PRAMEF20: variants seen among roughly 807,000 people sequenced by gnomAD.
The protein encoded by PRAMEF20 is PRAME family member 20.
A neutral mutation model predicts 32.4 loss-of-function variants in PRAMEF20; 27 were observed. The observed-to-expected ratio is 0.83, with a 90% confidence interval of 0.61 to 1.15. PRAMEF20 has a LOEUF of 1.15. Among genes scored for constraint, PRAMEF20 ranks in the 50% most tolerant of loss-of-function variants. The pLI is 0.00. For missense variants in PRAMEF20, 604 were observed against 584.5 expected, an observed-to-expected ratio of 1.03 and a Z score of -0.34; for synonymous variants, 256 against 235.4, an observed-to-expected ratio of 1.09 and a Z score of -0.80.
At chr1:13,417,085 G>A (rs1641183262) in intron 1 of PRAMEF20, among the ~76,000 whole-genome samples, 1 of 152,198 alleles carries the variant, frequency 6.6e-6, no homozygotes, top group Non-Finnish European at 1.5e-5. Context: ...AGTTCTTAAA[G>A]ATGGCACGGA....
chr1:13,421,108 C>T (rs1641238830), exon 3 of PRAMEF20: 14 of 1,613,758 alleles, frequency 8.7e-6, no homozygotes, highest in Non-Finnish European at 1.2e-5. Flanking sequence ...GTATCGTCTG[C>T]CGGAGCAGAT....
intron 2 of PRAMEF20, among the ~76,000 whole-genome samples, chr1:13,420,148 G>A (rs1641227219): frequency 1.3e-5 from 2 of 152,280 alleles, no homozygotes; most frequent in Admixed American, 1.3e-4. Context: ...GAGCTTTAGG[G>A]ATTCTGTGAA....
upstream of PRAMEF20, among the ~76,000 whole-genome samples, chr1:13,411,538 T>C (rs1376670911): frequency 6.6e-6 from 1 of 152,134 alleles, no homozygotes; most frequent in Non-Finnish European, 1.5e-5. Flanking sequence ...TTTCCAATAA[T>C]TCCCACAATG....
At chr1:13,421,192 C>T (rs34262621) in exon 3 of PRAMEF20, 219,003 of 1,612,990 alleles carry the variant, frequency 0.14, 17,290 homozygotes, top group East Asian at 0.35. Context: ...TGTTCTGTAC[C>T]GACTACTGCC....
At chr1:13,418,821 G>C in intron 2 of PRAMEF20, 121 bp downstream of exon 3, 1 of 1,544,180 alleles carries the variant, frequency 6.5e-7, no homozygotes, top group Non-Finnish European at 8.7e-7. Context: ...GAATGTCAGT[G>C]CATTTTCCTG....
intron 2 of PRAMEF20, among the ~76,000 whole-genome samples, chr1:13,420,313 C>T (rs1023909954): frequency 4.6e-5 from 7 of 152,108 alleles, no homozygotes; most frequent in Non-Finnish European, 8.8e-5. Flanking sequence ...TGGGTTCAAG[C>T]GGTTCTCCTG....
exon 3 of PRAMEF20, chr1:13,421,067 C>A: frequency 6.2e-7 from 1 of 1,613,920 alleles, no homozygotes; most frequent in Non-Finnish European, 8.5e-7. Flanking sequence ...GGAGCTGTAT[C>A]CTGCCCCGCG....
At chr1:13,418,815 G>C in intron 2 of PRAMEF20, 115 bp downstream of exon 3, 2 of 1,559,010 alleles carry the variant, frequency 1.3e-6, no homozygotes, top group South Asian at 2.3e-5. Context: ...ACACTAGAAT[G>C]TCAGTGCATT....
chr1:13,417,908 ATTTG>A (rs1349512334), intron 1 of PRAMEF20, among the ~76,000 whole-genome samples: 464 of 42,578 alleles, frequency 0.011, 8 homozygotes, highest in East Asian at 0.026. Context: ...CGCCCGGCTA[ATTTG>A]TGTGTGTGTG....
chr1:13,411,045 G>A, the PRAMEF20 span, among the ~76,000 whole-genome samples: 1 of 151,824 alleles, frequency 6.6e-6, no homozygotes, highest in Non-Finnish European at 1.5e-5. Flanking sequence ...TTTAGTAGAG[G>A]TGGGGTTTCA....
At chr1:13,419,105 C>A (rs1347605448) in intron 2 of PRAMEF20, among the ~76,000 whole-genome samples, 2 of 152,230 alleles carry the variant, frequency 1.3e-5, no homozygotes, top group East Asian at 3.9e-4. Context: ...GTGGGTAACA[C>A]AGCAAAGACT....
exon 1 of PRAMEF20, chr1:13,416,595 G>A (rs1166275601): frequency 1.2e-6 from 2 of 1,614,174 alleles, no homozygotes; most frequent in Admixed American, 1.7e-5. Flanking sequence ...CTTCCAAGCT[G>A]TGCTCGATGG....
chr1:13,420,682 GCTCT>G lies in PRAMEF20; in HGVS notation c.867-9_867-6del. ...TACGATTCCCCAGAACTAACTTCCTGCTCTCTCTCCCCAGCTGTCTAAAGACCTC... is the reference window on the plus strand; with the variant it reads ...TACGATTCCCCAGAACTAACTTCCTGCTCTCCCCAGCTGTCTAAAGACCTC... On this transcript the variant is annotated splice_polypyrimidine_tract_variant and intron_variant, in intron 2 of 2. Coordinates refer to ENST00000602960, the Ensembl canonical transcript of PRAMEF20. The G allele has an allele frequency of 6.2e-7, 1 of 1,613,658 alleles. No individual in the cohort carries two copies. The highest frequency in any genetic ancestry group is 1.7e-5 in the Admixed American group (1 of 59,962).
chr1:13,418,588 A>G (rs1243189169), exon 2 of PRAMEF20: 2 of 1,610,220 alleles, frequency 1.2e-6, no homozygotes, highest in Non-Finnish European at 1.7e-6. Context: ...CCCAGAGCAG[A>G]AGAAGGAGTT....
chr1:13,411,246 T>C, the PRAMEF20 span, among the ~76,000 whole-genome samples: 1 of 152,024 alleles, frequency 6.6e-6, no homozygotes, highest in Non-Finnish European at 1.5e-5. Flanking sequence ...GGAGAATCCC[T>C]TGAGCCCGGA....
exon 2 of PRAMEF20, chr1:13,418,231 A>C: frequency 2.5e-6 from 4 of 1,613,822 alleles, no homozygotes; most frequent in Non-Finnish European, 2.5e-6. Context: ...GATGAACAGA[A>C]AACCACTGCA....
intron 1 of PRAMEF20, among the ~76,000 whole-genome samples, chr1:13,417,801 G>A (rs1367504681): frequency 2.0e-5 from 3 of 147,454 alleles, no homozygotes; most frequent in Non-Finnish European, 4.5e-5. Context: ...GAGTGCAGTG[G>A]CGCGATCTCA....
In PRAMEF20 at chr1:13,417,708, G is replaced by A. The variant is rs978221362; in HGVS notation, c.288-414G>A. ...GAAGAGAGCAGCTGATATCCAGGAT[G>A]TGAAGTATAAGTTCAGAAGTGAGTC... On this transcript the variant is annotated intron_variant, in intron 1 of 2. Coordinates refer to ENST00000602960, the Ensembl canonical transcript of PRAMEF20. Among the ~76,000 whole-genome samples, 7 of 149,608 alleles carry A rather than the reference G, an allele frequency of 4.7e-5. No individual in the cohort carries two copies. The South Asian group carries it at 8.6e-4, about 18-fold the overall frequency.
exon 3 of PRAMEF20, chr1:13,420,905 T>C: frequency 6.2e-7 from 1 of 1,613,878 alleles, no homozygotes; most frequent in Non-Finnish European, 8.5e-7. Context: ...CTTAGATGAC[T>C]GTGGCATCGT....
Sources: gnomAD v4.1 joint callset for allele counts (sites outside exome capture counted in the v4.1 genomes callset) on GRCh38, gnomAD v4.1.1 for gene constraint, MANE v1.5 for transcripts, NCBI Gene and HGNC (gene_info 2026-07-23, HGNC 2026-07-21) for gene names.